The following SLC12A7 variants were observed in gnomAD, a reference collection of about 807,000 sequenced individuals.
SLC12A7 encodes the protein solute carrier family 12 member 7, also known as K-Cl cotransporter 4.
In SLC12A7, 100 loss-of-function variants were observed where a neutral mutation model predicts 120.6. The observed-to-expected ratio is 0.83, with a 90% confidence interval of 0.71 to 0.98. SLC12A7 has a LOEUF of 0.98. Among genes scored for constraint, SLC12A7 ranks in the 50% least tolerant of loss-of-function variants. SLC12A7 has a pLI of 0.00. For synonymous variants in SLC12A7, 760 were observed against 678.0 expected, an observed-to-expected ratio of 1.12 and a Z score of -1.88; for missense variants, 1,373 against 1,548.1, an observed-to-expected ratio of 0.89 and a Z score of 1.90.
At chr5:1,061,148 G>A (rs77177561) in intron 20 of SLC12A7, among the ~76,000 whole-genome samples, 2,089 of 9,354 alleles carry the variant, frequency 0.22, 536 homozygotes, top group South Asian at 0.7. Flanking sequence ...CGTCTCACCC[G>A]CCGCACCCGC....
chr5:1,123,087 C>A, the SLC12A7 span, among the ~76,000 whole-genome samples: 1 of 152,318 alleles, frequency 6.6e-6, no homozygotes, highest in South Asian at 2.1e-4. Context: ...CTGGCTGAGC[C>A]GCTGCCACTG....
the SLC12A7 span, among the ~76,000 whole-genome samples, chr5:1,148,187 A>T: frequency 6.9e-6 from 1 of 145,368 alleles, no homozygotes; most frequent in African/African-American, 2.6e-5. Flanking sequence ...TTTTTTGTTG[A>T]TACTTTTTTC....
At chr5:1,088,127 G>T (rs1222610307) in intron 5 of SLC12A7, among the ~76,000 whole-genome samples, 179 bp downstream of exon 5, 1 of 152,198 alleles carries the variant, frequency 6.6e-6, no homozygotes, top group East Asian at 1.9e-4. Flanking sequence ...AAACCAAACA[G>T]CCGTGACCTC....
At chr5:1,054,030 C>T (rs1301953790) in intron 22 of SLC12A7, among the ~76,000 whole-genome samples, 1 of 152,228 alleles carries the variant, frequency 6.6e-6, no homozygotes, top group Non-Finnish European at 1.5e-5. Context: ...CCAGAGTCCC[C>T]CACACCGGCC....
chr5:1,114,114 G>C (rs1236403968), upstream of SLC12A7, among the ~76,000 whole-genome samples: 1 of 152,252 alleles, frequency 6.6e-6, no homozygotes, highest in South Asian at 2.1e-4. Context: ...TCATTTTACA[G>C]AGGAGGAAAC....
the SLC12A7 span, among the ~76,000 whole-genome samples, chr5:1,144,156 A>G: frequency 6.6e-6 from 1 of 151,912 alleles, no homozygotes; most frequent in Admixed American, 6.6e-5. Context: ...ACGTGGACGC[A>G]CCCACCAACC....
rs779270948 is a variant in SLC12A7 at position 1,085,356 on chromosome 5, C to A, written c.793G>T (p.Val265Leu). ...ACATACTTGACGCCCACGAAGACCA[C>A]CAGGGCCATGAGCACGAGCGTGCAC... ...GTCTLVLMAL[V>L]VFVGVKYVNK... is the part of the protein sequence containing the mutation. The change falls in exon 7 of 24, where the codon GTG becomes TTG. Residue 265 changes from valine to leucine, a missense_variant. Transcript: ENST00000264930. 1.5e-5 allele frequency: 24 copies of A among 1,612,486 alleles called. No homozygotes were observed. In the Admixed American group the frequency reaches 4.0e-4, roughly 27 times the overall value.
At chr5:1,127,233 T>C in the SLC12A7 span, among the ~76,000 whole-genome samples, 1 of 152,154 alleles carries the variant, frequency 6.6e-6, no homozygotes, top group Non-Finnish European at 1.5e-5. Flanking sequence ...CAGGATAGTC[T>C]CGATCTCTTG....
At chr5:1,073,891 C>T in intron 16 of SLC12A7, 90 bp from the exon 17 acceptor site, 1 of 1,236,592 alleles carries the variant, frequency 8.1e-7, no homozygotes, top group Non-Finnish European at 1.0e-6. Flanking sequence ...GGGCGGGGCA[C>T]ACGACACAGG....
chr5:1,125,114 G>T, the SLC12A7 span, among the ~76,000 whole-genome samples: 1 of 152,212 alleles, frequency 6.6e-6, no homozygotes, highest in African/African-American at 2.4e-5. Flanking sequence ...ACACCACAGG[G>T]TTGAGAGAGG....
chr5:1,061,658 C>G (rs972885799), intron 20 of SLC12A7, among the ~76,000 whole-genome samples: 4 of 152,250 alleles, frequency 2.6e-5, no homozygotes, highest in Non-Finnish European at 5.9e-5. Context: ...GTATTTAAAA[C>G]AGCACACCAG....
At chr5:1,143,212 G>T in the SLC12A7 span, among the ~76,000 whole-genome samples, 3 of 152,228 alleles carry the variant, frequency 2.0e-5, no homozygotes, top group Non-Finnish European at 4.4e-5. Flanking sequence ...GCCACCTCCC[G>T]CAGCGCTGGT....
At chr5:1,152,256 AC>A in the SLC12A7 span, among the ~76,000 whole-genome samples, 1 of 151,416 alleles carries the variant, frequency 6.6e-6, no homozygotes, top group East Asian at 1.9e-4. Flanking sequence ...CCGGCCACCC[AC>A]CCTTGTGCCC....
intron 17 of SLC12A7, among the ~76,000 whole-genome samples, chr5:1,069,868 C>T (rs1172681124): frequency 6.6e-6 from 1 of 152,148 alleles, no homozygotes; most frequent in African/African-American, 2.4e-5. Flanking sequence ...CCTGGGGCAG[C>T]CGACTGCAGC....
chr5:1,052,894 C>T (rs945939305), intron 23 of SLC12A7, among the ~76,000 whole-genome samples: 1 of 152,244 alleles, frequency 6.6e-6, no homozygotes, highest in Non-Finnish European at 1.5e-5. Flanking sequence ...CCAATACGCC[C>T]AGATGCACTG....
chr5:1,079,149 A>G (rs1213774259), intron 10 of SLC12A7, among the ~76,000 whole-genome samples: 1 of 152,140 alleles, frequency 6.6e-6, no homozygotes, highest in Non-Finnish European at 1.5e-5. Flanking sequence ...ACCGCTGCGC[A>G]TCACTGTCCA....
At chr5:1,083,277 T>A in intron 8 of SLC12A7, among the ~76,000 whole-genome samples, 1 of 152,116 alleles carries the variant, frequency 6.6e-6, no homozygotes, top group African/African-American at 2.4e-5. Flanking sequence ...GGGCTTCCCG[T>A]CTCGGGTTCT....
chr5:1,057,190 A>G, intron 22 of SLC12A7: 1 of 412,328 alleles, frequency 2.4e-6, no homozygotes, highest in East Asian at 4.1e-5. Context: ...TGGCACTAGA[A>G]GGACCCCTCA....
intron 3 of SLC12A7, among the ~76,000 whole-genome samples, chr5:1,090,723 G>A (rs568296133): frequency 1.3e-5 from 2 of 152,232 alleles, no homozygotes; most frequent in Non-Finnish European, 2.9e-5. Flanking sequence ...CTCAAATCCC[G>A]CAGCCCCGTG....
Sources: gnomAD v4.1 joint callset for allele counts (sites outside exome capture counted in the v4.1 genomes callset) on GRCh38, gnomAD v4.1.1 for gene constraint, MANE v1.5 for transcripts, NCBI Gene and HGNC (gene_info 2026-07-23, HGNC 2026-07-21) for gene names.